Variants in DARS1 observed in about 807,000 individuals in gnomAD.
DARS1 encodes the protein aspartyl-tRNA synthetase 1.
Under a neutral mutation model 68.8 loss-of-function variants are expected in DARS1, and 51 were observed. That is an observed-to-expected ratio of 0.74 (90% CI 0.59 to 0.94). The LOEUF (loss-of-function observed/expected upper bound fraction) is 0.94. Ranked by LOEUF, DARS1 falls within the 40% of genes least tolerant of loss-of-function variation. DARS1 has a pLI of 0.00. For synonymous variants in DARS1, 203 were observed against 190.4 expected (o/e 1.07, Z -0.55); for missense variants, 607 against 597.3 (o/e 1.02, Z -0.17).
chr2:135,908,854 T>C (rs1263367323), intron 15 of DARS1, among the ~76,000 whole-genome samples: 3 of 152,204 alleles, frequency 2.0e-5, no homozygotes, highest in African/African-American at 7.2e-5. Flanking sequence ...TGCAGCACTA[T>C]TCACAATAGC....
At chr2:135,973,165 G>A (rs912583488) in intron 3 of DARS1, among the ~76,000 whole-genome samples, 5 of 152,126 alleles carry the variant, frequency 3.3e-5, no homozygotes, top group African/African-American at 1.2e-4. Context: ...ATATTTGGAA[G>A]CAACCTAAGT....
Position 135,985,506 on chromosome 2 carries a change from C to T in DARS1, c.-38G>A, listed in dbSNP as rs1682759554. On this transcript the variant is annotated 5_prime_UTR_variant, in exon 1 of 16. Transcript: ENST00000264161. ...CTGGGCAGTGGACACCACCCTCCCTCGCAGGCTTCCGTAAGGCAGGCCAAA... is the reference window on the plus strand; with the variant it reads ...CTGGGCAGTGGACACCACCCTCCCTTGCAGGCTTCCGTAAGGCAGGCCAAA... 1 of 1,613,812 alleles carries T rather than the reference C, an allele frequency of 6.2e-7. No homozygotes were observed. Among genetic ancestry groups the T allele is most frequent in the Admixed American group, 1.7e-5 (1 of 59,988 alleles).
intron 4 of DARS1, among the ~76,000 whole-genome samples, chr2:135,946,834 A>T (rs1183322377): frequency 1.3e-5 from 2 of 152,124 alleles, no homozygotes; most frequent in Non-Finnish European, 2.9e-5. Context: ...GAGCATATAG[A>T]GAAGAATCAC....
intron 7 of DARS1, among the ~76,000 whole-genome samples, chr2:135,932,109 A>C (rs891470257): frequency 6.6e-6 from 1 of 152,248 alleles, no homozygotes; most frequent in African/African-American, 2.4e-5. Context: ...GTATATAATA[A>C]GGGTAGACTC....
chr2:135,911,675 TCA>T (rs1449489405), intron 13 of DARS1, 182 bp from the exon 14 acceptor site: 38 of 495,544 alleles, frequency 7.7e-5, no homozygotes, highest in Non-Finnish European at 1.2e-4. Context: ...TTTGTTTATA[TCA>T]GATTCTGTGC....
At chr2:135,931,100 C>T (rs1338297738) in intron 7 of DARS1, among the ~76,000 whole-genome samples, 2 of 152,156 alleles carry the variant, frequency 1.3e-5, no homozygotes, top group African/African-American at 4.8e-5. Context: ...TACACTAGAA[C>T]CTGACGGAGG....
chr2:135,943,376 A>G lies in DARS1; in HGVS notation c.423+2T>C, dbSNP rs1681649932. 2 of 1,605,794 alleles carry G rather than the reference A, an allele frequency of 1.2e-6. No individual in the cohort carries two copies. The highest frequency in any genetic ancestry group is 1.3e-5 in the African/African-American group (1 of 74,424). On this transcript the variant is annotated splice_donor_variant, in intron 5 of 15. Coordinates refer to ENST00000264161, the MANE Select transcript of DARS1 (RefSeq NM_001349.4). LOFTEE classifies it high-confidence loss of function. The stretch of plus-strand genomic sequence containing the variant: ...GCGATTTTATATTTTGAAAAAACTT[A>G]CCTTCTGAACATGTAACTCAACGTC...
intron 4 of DARS1, among the ~76,000 whole-genome samples, chr2:135,959,856 C>T (rs1029164572): frequency 2.0e-5 from 3 of 152,068 alleles, no homozygotes; most frequent in Non-Finnish European, 2.9e-5. Flanking sequence ...ATGTAACTGT[C>T]GGCTTCATGT....
chr2:135,979,953 T>C (rs1455506441), intron 2 of DARS1, among the ~76,000 whole-genome samples: 1 of 152,204 alleles, frequency 6.6e-6, no homozygotes, highest in African/African-American at 2.4e-5. Context: ...CTGGGATTGC[T>C]GCGCTGACAT....
At chr2:135,957,639 G>A (rs1682008981) in intron 4 of DARS1, among the ~76,000 whole-genome samples, 1 of 152,156 alleles carries the variant, frequency 6.6e-6, no homozygotes. Context: ...TGGGATTACA[G>A]GCATGAGCCA....
chr2:135,932,587 C>CTT (rs1681375179), intron 7 of DARS1, among the ~76,000 whole-genome samples, 196 bp downstream of exon 7: 1 of 152,122 alleles, frequency 6.6e-6, no homozygotes, highest in Non-Finnish European at 1.5e-5. Context: ...ATCCTGTTAA[C>CTT]TAGTATTTAA....
chr2:135,949,232 TA>T (rs1327611495), intron 4 of DARS1, among the ~76,000 whole-genome samples: 5 of 152,140 alleles, frequency 3.3e-5, no homozygotes, highest in Non-Finnish European at 7.4e-5. Context: ...CTTTTCACAT[TA>T]ATTGTAGTCC....
intron 15 of DARS1, among the ~76,000 whole-genome samples, chr2:135,907,805 A>G (rs185741661): frequency 6.6e-6 from 1 of 152,338 alleles, no homozygotes; most frequent in African/African-American, 2.4e-5. Context: ...TTAAGCAATA[A>G]TAGAAGTATG....
At chr2:135,919,812 A>G (rs931113729) in intron 10 of DARS1, among the ~76,000 whole-genome samples, 1 of 152,248 alleles carries the variant, frequency 6.6e-6, no homozygotes, top group Non-Finnish European at 1.5e-5. Context: ...ATATCCGTTC[A>G]GTCTACTAGT....
chr2:135,934,450 C>T (rs979711715), intron 5 of DARS1, among the ~76,000 whole-genome samples: 11 of 151,854 alleles, frequency 7.2e-5, no homozygotes, highest in Middle Eastern at 3.4e-3. Flanking sequence ...GGTGAAACCC[C>T]GTCTCTACAA....
intron 3 of DARS1, among the ~76,000 whole-genome samples, chr2:135,964,079 T>C (rs1459360403): frequency 3.3e-5 from 5 of 152,218 alleles, no homozygotes; most frequent in African/African-American, 1.2e-4. Context: ...ACAAAAAGTA[T>C]GCAGGGCGCT....
chr2:135,911,318 T>C (rs865875729), intron 14 of DARS1, 64 bp downstream of exon 14: 6 of 852,254 alleles, frequency 7.0e-6, no homozygotes, highest in Middle Eastern at 2.4e-4. Context: ...GAGAAGTCTT[T>C]TAAATGTTTA....
chr2:135,932,043 A>G (rs1265973927), intron 7 of DARS1, among the ~76,000 whole-genome samples: 2 of 152,204 alleles, frequency 1.3e-5, no homozygotes, highest in African/African-American at 4.8e-5. Context: ...CTTTTCATAT[A>G]CAAATTAAAA....
intron 5 of DARS1, among the ~76,000 whole-genome samples, chr2:135,938,947 A>C (rs901485761): frequency 2.0e-5 from 3 of 152,236 alleles, no homozygotes; most frequent in African/African-American, 7.2e-5. Flanking sequence ...GATCAATTCA[A>C]CAAGAAGAGC....
Sources: allele counts gnomAD v4.1 joint callset (sites outside exome capture counted in the v4.1 genomes callset), GRCh38; gene constraint gnomAD v4.1.1; transcripts MANE v1.5; gene names NCBI Gene and HGNC (gene_info 2026-07-23, HGNC 2026-07-21).